Variants in PAPSS1 observed in about 807,000 individuals in gnomAD.
PAPSS1 encodes bifunctional 3'-phosphoadenosine 5'-phosphosulfate synthase 1.
PAPSS1 carries 50 observed loss-of-function variants against 72.0 expected under a neutral mutation model. That is an observed-to-expected ratio of 0.69 (90% CI 0.55 to 0.88). The LOEUF (loss-of-function observed/expected upper bound fraction) is 0.88. Among genes scored for constraint, PAPSS1 ranks in the 40% least tolerant of loss-of-function variants. The probability of loss-of-function intolerance (pLI) is 0.00; values close to 1 mark genes in which losing one functional copy is unlikely to be tolerated. For missense variants in PAPSS1, 657 were observed against 782.2 expected (o/e 0.84, Z 1.91); for synonymous variants, 261 against 263.6 (o/e 0.99, Z 0.09).
intron 5 of PAPSS1, among the ~76,000 whole-genome samples, chr4:107,667,436 T>A (rs981221421): frequency 2.0e-5 from 3 of 152,158 alleles, no homozygotes; most frequent in African/African-American, 7.2e-5. Flanking sequence ...GGATTTATAA[T>A]CAGCCAGGCA....
At chr4:107,644,752 G>T (rs1726646704) in intron 10 of PAPSS1, 50 bp downstream of exon 10, 2 of 1,534,804 alleles carry the variant, frequency 1.3e-6, no homozygotes, top group South Asian at 1.2e-5. Context: ...AGCTGTGTTA[G>T]TAAGAGTGGC....
chr4:107,666,889 C>T (rs1218463369), intron 5 of PAPSS1, among the ~76,000 whole-genome samples: 1 of 152,154 alleles, frequency 6.6e-6, no homozygotes, highest in East Asian at 1.9e-4. Flanking sequence ...AGTGTTTGGT[C>T]TTTGTCCTCA....
At chr4:107,685,826 C>A (rs992975995) in intron 4 of PAPSS1, among the ~76,000 whole-genome samples, 7 of 152,140 alleles carry the variant, frequency 4.6e-5, no homozygotes, top group Admixed American at 4.6e-4. Context: ...GTTTTCAGGG[C>A]CAGAAACTGA....
chr4:107,714,505 A>T (rs1207924366), intron 1 of PAPSS1, among the ~76,000 whole-genome samples: 1 of 152,168 alleles, frequency 6.6e-6, no homozygotes, highest in Non-Finnish European at 1.5e-5. Context: ...CTGTCTTGTT[A>T]CTGGTATGCT....
rs775628794 is a variant in PAPSS1 at position 107,693,850 on chromosome 4, C to T, written c.332G>A (p.Arg111Gln). 1 of 1,613,936 alleles carries T rather than the reference C, an allele frequency of 6.2e-7. No homozygotes were observed. The highest frequency in any genetic ancestry group is 8.5e-7 in the Non-Finnish European group (1 of 1,179,874). ...CAGTTTAGCAACTTCTGCGATGCGT[C>T]GAACATTCTCTTCTCTGTCTTCAGG... ...FSPEDREENV[R>Q]RIAEVAKLFA... Residue 111 changes from arginine (R) to glutamine (Q), a missense_variant, in exon 3 of 12, where the codon CGA (arginine) becomes CAA (glutamine). By Grantham distance (43) the Arg-to-Gln change is conservative. Coordinates refer to ENST00000265174, the MANE Select transcript of PAPSS1 (RefSeq NM_005443.5).
chr4:107,692,720 G>T lies in PAPSS1; in HGVS notation c.411+1051C>A, dbSNP rs553727445. ...CTGCAACACTATTCACAGTAGCAAA[G>T]ACATAGAATCAACCTAAATGCCCAT... is the stretch of plus-strand genomic sequence containing the variant. On this transcript the variant is annotated intron_variant, in intron 3 of 11. Coordinates refer to ENST00000265174, the MANE Select transcript of PAPSS1 (RefSeq NM_005443.5). Among the ~76,000 whole-genome samples, 3 of 151,858 alleles carry T rather than the reference G, an allele frequency of 2.0e-5. No individual in the cohort carries two copies. The South Asian group carries it at 6.2e-4, about 32-fold the overall frequency.
rs540155435 is a variant in PAPSS1, at chr4:107,666,081, T to C, written c.670-6009A>G. On this transcript the variant is annotated intron_variant, in intron 5 of 11. Transcript: ENST00000265174. ...ATCTAAACTACATGCATCCAAAGCA[T>C]GAACACCAAACGACATTCCGGCAAC... Among the ~76,000 whole-genome samples, 3 of 152,340 alleles carry C rather than the reference T, an allele frequency of 2.0e-5. No homozygotes were observed. The East Asian group carries it at 5.8e-4, about 29-fold the overall frequency.
chr4:107,681,483 G>A (rs79201440), intron 5 of PAPSS1, among the ~76,000 whole-genome samples: 155 of 152,260 alleles, frequency 1.0e-3, no homozygotes, highest in Non-Finnish European at 1.8e-3. Context: ...TAGTGGGCCT[G>A]AGTACCCTGG....
At chr4:107,650,059 T>C (rs767476274) in intron 9 of PAPSS1, among the ~76,000 whole-genome samples, 5 of 152,140 alleles carry the variant, frequency 3.3e-5, no homozygotes, top group Admixed American at 1.3e-4. Flanking sequence ...CACAGGACAA[T>C]AGCTCACATG....
intron 1 of PAPSS1, among the ~76,000 whole-genome samples, chr4:107,712,404 A>T (rs1319730059): frequency 6.6e-6 from 1 of 152,254 alleles, no homozygotes; most frequent in Non-Finnish European, 1.5e-5. Flanking sequence ...TTCACCACAC[A>T]TACAAGGGAG....
chr4:107,620,413 T>G (rs1210140017), intron 11 of PAPSS1, among the ~76,000 whole-genome samples: 1 of 152,226 alleles, frequency 6.6e-6, no homozygotes, highest in African/African-American at 2.4e-5. Context: ...CATGACAAAC[T>G]TAACAATTTT....
At chr4:107,684,714 C>A (rs1722727183) in intron 4 of PAPSS1, among the ~76,000 whole-genome samples, 1 of 152,152 alleles carries the variant, frequency 6.6e-6, no homozygotes, top group Non-Finnish European at 1.5e-5. Context: ...CCTAGAAGCT[C>A]CCCGCACCAC....
chr4:107,705,268 T>C lies in PAPSS1; in HGVS notation c.61-3983A>G, dbSNP rs116364198. Among the ~76,000 whole-genome samples the C allele has an allele frequency of 9.3e-4, 142 of 152,334 alleles. 1 individual carries two copies. Among genetic ancestry groups the C allele is most frequent in the African/African-American group, 3.3e-3 (136 of 41,578 alleles). On this transcript the variant is annotated intron_variant, in intron 1 of 11. Transcript: ENST00000265174. ...GCTATGTGTCCCCACACAAATCTCA[T>C]CTCGAACTGTAATCTCCATGTGTGG...
chr4:107,720,213 T>G lies in PAPSS1; in HGVS notation c.-34A>C. 1 of 1,588,276 alleles carries G rather than the reference T, an allele frequency of 6.3e-7. No homozygotes were observed. Among genetic ancestry groups the G allele is most frequent in the Non-Finnish European group, 8.6e-7 (1 of 1,169,216 alleles). Reference sequence around the variant, plus strand: ...AGCGCGCTGAGCAGCCGGGGTTCTCTGCGCCGGGAGGGTAGCAAGAGGAGG... The same window carrying G: ...AGCGCGCTGAGCAGCCGGGGTTCTCGGCGCCGGGAGGGTAGCAAGAGGAGG... On this transcript the variant is annotated 5_prime_UTR_variant, in exon 1 of 12. Coordinates refer to ENST00000265174, the MANE Select transcript of PAPSS1 (RefSeq NM_005443.5).
intron 11 of PAPSS1, among the ~76,000 whole-genome samples, chr4:107,624,632 A>G (rs370982164): frequency 6.6e-6 from 1 of 152,342 alleles, no homozygotes; most frequent in African/African-American, 2.4e-5. Flanking sequence ...ATACATAGTT[A>G]TACTATACCT....
At chr4:107,715,305 T>C (rs1578442086) in intron 1 of PAPSS1, among the ~76,000 whole-genome samples, 1 of 152,204 alleles carries the variant, frequency 6.6e-6, no homozygotes, top group Non-Finnish European at 1.5e-5. Flanking sequence ...TGGTAGAAGT[T>C]TAAGCTTCCC....
chr4:107,710,315 A>AAT lies in PAPSS1; in HGVS notation c.61-9032_61-9031dup, dbSNP rs1216385053. ...TAATAGTCTGGGTGCTTTGTAGAAA[A>AAT]ATATATATATATGTATATCTGGCTC... On this transcript the variant is annotated intron_variant, in intron 1 of 11. Coordinates refer to ENST00000265174, the MANE Select transcript of PAPSS1 (RefSeq NM_005443.5). Among the ~76,000 whole-genome samples, 7 of 152,074 alleles carry AAT rather than the reference A, an allele frequency of 4.6e-5. No homozygotes were observed. In the South Asian group the frequency reaches 6.2e-4, roughly 14 times the overall value.
chr4:107,632,253 G>A (rs916349360), intron 10 of PAPSS1, among the ~76,000 whole-genome samples: 8 of 152,098 alleles, frequency 5.3e-5, no homozygotes, highest in African/African-American at 1.9e-4. Context: ...CAACTGCAAG[G>A]AGCTTCTGGA....
At chr4:107,706,225 C>G (rs1228747373) in intron 1 of PAPSS1, among the ~76,000 whole-genome samples, 1 of 152,132 alleles carries the variant, frequency 6.6e-6, no homozygotes, top group East Asian at 1.9e-4. Flanking sequence ...TTTAAATAAG[C>G]TTTGTAACCC....
Sources: allele counts gnomAD v4.1 joint callset (sites outside exome capture counted in the v4.1 genomes callset), GRCh38; gene constraint gnomAD v4.1.1; transcripts MANE v1.5; gene names NCBI Gene and HGNC (gene_info 2026-07-23, HGNC 2026-07-21).